FXYD4: variants seen among roughly 807,000 people sequenced by gnomAD.
FXYD4 encodes FXYD domain-containing ion transport regulator 4.
A neutral mutation model predicts 18.3 loss-of-function variants in FXYD4; 14 were observed. The ratio of observed to expected loss-of-function variants is 0.77; its 90% CI spans 0.51 to 1.20. FXYD4 has a LOEUF of 1.20. FXYD4 is among the 50% of genes most tolerant of loss of function. The probability of loss-of-function intolerance (pLI) is 0.00; values close to 1 mark genes in which losing one functional copy is unlikely to be tolerated. For synonymous variants in FXYD4, 40 were observed against 40.5 expected, an observed-to-expected ratio of 0.99 and a Z score of 0.04; for missense variants, 99 against 106.1, an observed-to-expected ratio of 0.93 and a Z score of 0.29.
At chr10:43,372,064 A>T (rs1211301596) in intron 1 of FXYD4, among the ~76,000 whole-genome samples, 1 of 150,800 alleles carries the variant, frequency 6.6e-6, no homozygotes, top group Non-Finnish European at 1.5e-5. Context: ...AAAAATAGTA[A>T]TAATAATAAT....
At chr10:43,375,805 T>G in intron 7 of FXYD4, 71 bp downstream of exon 7, 1 of 1,499,490 alleles carries the variant, frequency 6.7e-7, no homozygotes. Context: ...ACCTGGAGAG[T>G]GGACAGCATC....
In FXYD4 at chr10:43,374,516, C is replaced by T. The variant is rs776695140; in HGVS notation, c.70+14C>T. The stretch of plus-strand genomic sequence containing the variant: ...ATGACCCATTTGGTGAGTGAGGCCC[C>T]CAAACAGCCTGCCCACTCTGCCCAC... On this transcript the variant is annotated intron_variant, in intron 4 of 8. Coordinates refer to ENST00000476166, the MANE Select transcript of FXYD4 (RefSeq NM_173160.3). 6.2e-7 allele frequency: 1 copy of T among 1,614,006 alleles called. No homozygotes were observed. The highest frequency in any genetic ancestry group is 1.1e-5 in the South Asian group (1 of 91,082).
intron 5 of FXYD4, 113 bp from the exon 6 acceptor site, chr10:43,375,385 GC>G (rs1366046951): frequency 1.8e-5 from 14 of 766,446 alleles, no homozygotes; most frequent in Non-Finnish European, 3.2e-5. Context: ...TCTGTTGCTG[GC>G]TTGTCTTTAT....
At chr10:43,374,531 A>ACT (rs1284346141) in intron 4 of FXYD4, 29 bp downstream of exon 4, 2 of 1,612,692 alleles carry the variant, frequency 1.2e-6, no homozygotes, top group African/African-American at 1.3e-5. Flanking sequence ...CAGCCTGCCC[A>ACT]CTCTGCCCAC....
chr10:43,375,944 C>G, intron 7 of FXYD4, 88 bp from the exon 8 acceptor site: 1 of 1,445,130 alleles, frequency 6.9e-7, no homozygotes, highest in South Asian at 1.1e-5. Context: ...GACTTGCACT[C>G]CTGGGGCCGG....
chr10:43,375,619 G>A (rs750811383), intron 6 of FXYD4, 46 bp downstream of exon 6: 13 of 1,605,738 alleles, frequency 8.1e-6, no homozygotes, highest in Middle Eastern at 1.6e-4. Flanking sequence ...TGGGGCTGGC[G>A]GACAGGGTGG....
At position 43,375,741 on chromosome 10, in the gene FXYD4, C is replaced by A. The variant is rs753478301; in HGVS notation, c.212+7C>A. ...GCAGCCAGAAGCAGCACAGGTGAGC[C>A]TGACCCTATGGTGCCCTCCTCCTTC... On this transcript the variant is annotated splice_region_variant and intron_variant, in intron 7 of 8. Coordinates refer to ENST00000476166, the MANE Select transcript of FXYD4 (RefSeq NM_173160.3). The A allele has an allele frequency of 1.2e-6, 2 of 1,613,950 alleles. No homozygotes were observed. The highest frequency in any genetic ancestry group is 1.7e-6 in the Non-Finnish European group (2 of 1,179,804).
chr10:43,372,055 A>T (rs981934121), intron 1 of FXYD4, among the ~76,000 whole-genome samples: 2 of 151,446 alleles, frequency 1.3e-5, no homozygotes, highest in Non-Finnish European at 2.9e-5. Context: ...AAAAAAAAAA[A>T]AAATAGTAAT....
rs769968604 is a variant in FXYD4, at chr10:43,375,562, CG to C, written c.163del (p.Ala55GlnfsTer3). ...CGGLLAIAGIAAVLSGKCKCK... is the reference protein window; with the variant it reads ...CGGLLAIAGIXAVLSGKCKCK... ...GGGCTCCTGGCCATTGCTGGGATCG[CG>C]GCAGTTCTGAGTGAGTGGCAGGACA... is the stretch of plus-strand genomic sequence containing the variant. On this transcript the variant is annotated frameshift_variant, in exon 6 of 9. Coordinates refer to ENST00000476166, the MANE Select transcript of FXYD4 (RefSeq NM_173160.3). LOFTEE classifies it high-confidence loss of function. 5.0e-6 allele frequency: 8 copies of C among 1,613,812 alleles called. No homozygotes were observed. The African/African-American group carries it at 9.3e-5, about 19-fold the overall frequency.
rs1250600172 is a variant in FXYD4 at position 43,371,690 on chromosome 10, C to G, written c.-286C>G. 2 of 152,194 alleles carry G rather than the reference C, an allele frequency of 1.3e-5. No homozygotes were observed. The highest frequency in any genetic ancestry group is 6.5e-5 in the Admixed American group (1 of 15,268). The allele number at this position is 152,194 out of a possible 1,614,324, so 9.4% of individuals were successfully genotyped here. A position where few individuals can be genotyped will look rare whatever the true frequency, so the allele number is the denominator to read the frequency against. On this transcript the variant is annotated 5_prime_UTR_variant, in exon 1 of 9. Coordinates refer to ENST00000476166, the MANE Select transcript of FXYD4 (RefSeq NM_173160.3). Reference sequence around the variant, plus strand: ...CTCAGGTGAGCCCTCGCCAAGGTGACCTCGCAGGTGAGCAGGCGTCCACTT... The same window carrying G: ...CTCAGGTGAGCCCTCGCCAAGGTGAGCTCGCAGGTGAGCAGGCGTCCACTT...
chr10:43,371,845 G>A (rs935320994), intron 1 of FXYD4, 148 bp downstream of exon 1: 1 of 152,138 alleles, frequency 6.6e-6, no homozygotes, highest in African/African-American at 2.4e-5. Flanking sequence ...ACTATCATAT[G>A]GATGGTGGGT....
intron 2 of FXYD4, among the ~76,000 whole-genome samples, chr10:43,373,190 C>T (rs1029053021): frequency 6.6e-6 from 1 of 152,108 alleles, no homozygotes; most frequent in African/African-American, 2.4e-5. Context: ...GGGTGCTGGA[C>T]TCTGGCCACC....
At chr10:43,375,408 C>A in intron 5 of FXYD4, 91 bp from the exon 6 acceptor site, 1 of 929,362 alleles carries the variant, frequency 1.1e-6, no homozygotes, top group Non-Finnish European at 1.8e-6. Context: ...TATATGGCAG[C>A]GGCTGGCACA....
chr10:43,375,684 C>T lies in FXYD4; in HGVS notation c.173-11C>T. On this transcript the variant is annotated splice_polypyrimidine_tract_variant and intron_variant, in intron 6 of 8. Transcript: ENST00000476166. ...CACTGACCCTGGCGCTGACCCCTCT[C>T]TCTCTCCCAGGTGGCAAATGCAAAT... 1 of 1,614,154 alleles carries T rather than the reference C, an allele frequency of 6.2e-7. No homozygotes were observed. The highest frequency in any genetic ancestry group is 1.1e-5 in the South Asian group (1 of 91,082).
chr10:43,375,744 ACCCTATGGTGC>A lies in FXYD4; in HGVS notation c.212+13_212+23del, dbSNP rs1837863380. The A allele has an allele frequency of 6.2e-7, 1 of 1,613,698 alleles. No individual in the cohort carries two copies. Among genetic ancestry groups the A allele is most frequent in the Non-Finnish European group, 8.5e-7 (1 of 1,179,740 alleles). On this transcript the variant is annotated intron_variant, in intron 7 of 8. Transcript: ENST00000476166. Reference sequence around the variant, plus strand: ...GCCAGAAGCAGCACAGGTGAGCCTGACCCTATGGTGCCCTCCTCCTTCGGGGCAGAACTACG... The same window carrying A: ...GCCAGAAGCAGCACAGGTGAGCCTGACCTCCTCCTTCGGGGCAGAACTACG...
At chr10:43,372,808 G>C (rs764264381) in intron 2 of FXYD4, 36 bp downstream of exon 2, 5 of 152,166 alleles carry the variant, frequency 3.3e-5, no homozygotes, top group African/African-American at 7.2e-5. Flanking sequence ...CCAGACAGCT[G>C]GCCCTGGATC....
At chr10:43,375,123 T>C (rs1314361973) in intron 5 of FXYD4, among the ~76,000 whole-genome samples, 1 of 146,978 alleles carries the variant, frequency 6.8e-6, no homozygotes, top group African/African-American at 2.5e-5. Context: ...ATCTCCCGGG[T>C]TCAAGCAATT....
chr10:43,375,008 C>A (rs989112323), intron 5 of FXYD4, among the ~76,000 whole-genome samples: 2 of 148,854 alleles, frequency 1.3e-5, no homozygotes, highest in Non-Finnish European at 3.0e-5. Context: ...CCTTTCTTTG[C>A]GCATGTCCAC....
chr10:43,374,416 C>T, intron 3 of FXYD4, 54 bp from the exon 4 acceptor site: 1 of 1,583,842 alleles, frequency 6.3e-7, no homozygotes, highest in South Asian at 1.1e-5. Flanking sequence ...GTCTGGCTTA[C>T]TTGGACACCA....
Sources: gnomAD v4.1 joint callset for allele counts (sites outside exome capture counted in the v4.1 genomes callset) on GRCh38, gnomAD v4.1.1 for gene constraint, MANE v1.5 for transcripts, NCBI Gene and HGNC (gene_info 2026-07-23, HGNC 2026-07-21) for gene names.